Variants in SLC39A11 observed in about 807,000 individuals in gnomAD.
SLC39A11 encodes the protein solute carrier family 39 member 11.
Under a neutral mutation model 36.1 loss-of-function variants are expected in SLC39A11, and 33 were observed. That is an observed-to-expected ratio of 0.91 (90% CI 0.69 to 1.22). The LOEUF (loss-of-function observed/expected upper bound fraction) is 1.22, where lower values mean the gene tolerates loss of function less well. Ranked by LOEUF, SLC39A11 falls within the 50% of genes most tolerant of loss-of-function variation. The pLI is 0.00. For synonymous variants in SLC39A11, 166 were observed against 170.3 expected (o/e 0.97, Z 0.20); for missense variants, 432 against 430.3 (o/e 1.00, Z -0.03).
At chr17:72,693,379 T>C (rs994667690) in intron 7 of SLC39A11, among the ~76,000 whole-genome samples, 4 of 152,216 alleles carry the variant, frequency 2.6e-5, no homozygotes, top group African/African-American at 9.7e-5. Flanking sequence ...TCAAAACAGA[T>C]GTTCAGACTG....
chr17:72,767,153 T>C (rs888456642), intron 6 of SLC39A11, among the ~76,000 whole-genome samples: 1 of 152,258 alleles, frequency 6.6e-6, no homozygotes, highest in African/African-American at 2.4e-5. Context: ...CCTTTGACTG[T>C]TGAGCTGCTT....
chr17:72,680,113 A>G (rs1261978728), intron 7 of SLC39A11, among the ~76,000 whole-genome samples: 1 of 151,600 alleles, frequency 6.6e-6, no homozygotes, highest in African/African-American at 2.4e-5. Flanking sequence ...CAGCATTTTA[A>G]CCATTTATGA....
At chr17:72,667,348 A>G (rs1170882873) in intron 7 of SLC39A11, among the ~76,000 whole-genome samples, 1 of 152,210 alleles carries the variant, frequency 6.6e-6, no homozygotes, top group Non-Finnish European at 1.5e-5. Context: ...CTCTAGGTGC[A>G]GGGGGCGCTT....
chr17:73,091,137 G>T (rs1189934222), intron 1 of SLC39A11, among the ~76,000 whole-genome samples: 2 of 152,086 alleles, frequency 1.3e-5, no homozygotes, highest in African/African-American at 4.8e-5. Flanking sequence ...ATTAAAACTG[G>T]TAAAACTTGG....
chr17:72,899,716 C>T (rs529545681), intron 5 of SLC39A11, among the ~76,000 whole-genome samples: 41 of 152,278 alleles, frequency 2.7e-4, no homozygotes, highest in Non-Finnish European at 5.1e-4. Context: ...AATCCCAGCA[C>T]TTTGGGAGGC....
intron 7 of SLC39A11, among the ~76,000 whole-genome samples, chr17:72,691,230 G>A (rs2072012476): frequency 6.6e-6 from 1 of 152,270 alleles, no homozygotes; most frequent in East Asian, 1.9e-4. Flanking sequence ...AGGGAGAAGG[G>A]ACTTGGAGTA....
At chr17:73,077,100 C>G (rs988046601) in intron 3 of SLC39A11, among the ~76,000 whole-genome samples, 1 of 152,132 alleles carries the variant, frequency 6.6e-6, no homozygotes, top group African/African-American at 2.4e-5. Flanking sequence ...GTAATTTATT[C>G]CATGATATAA....
intron 7 of SLC39A11, among the ~76,000 whole-genome samples, chr17:72,677,679 C>T (rs532731391): frequency 1.3e-5 from 2 of 152,240 alleles, no homozygotes; most frequent in African/African-American, 4.8e-5. Context: ...AGACCGTGGG[C>T]CCCTCCCCGG....
chr17:72,932,292 T>TTTA lies in SLC39A11; in HGVS notation c.430+15457_430+15459dup, dbSNP rs544893367. 6.4e-4 allele frequency among the ~76,000 whole-genome samples: 93 copies of TTTA among 144,464 alleles called. 1 individual carries two copies. The highest frequency in any genetic ancestry group is 1.9e-3 in the African/African-American group (69 of 35,430). 94.8% of individuals were successfully genotyped at this position (144,464 alleles called of 152,430 possible). ...TTCTACCTGAAGAATGACCTGTTCT[T>TTTA]TTATTATTATTATTATTATACTTTA... is the stretch of plus-strand genomic sequence containing the variant. On this transcript the variant is annotated intron_variant, in intron 5 of 9. Transcript: ENST00000255559.
chr17:72,870,483 A>C lies in SLC39A11; in HGVS notation c.431-20679T>G, dbSNP rs548936938. On this transcript the variant is annotated intron_variant, in intron 5 of 9. Transcript: ENST00000255559. ...ACGGGTGCCCTGCGGCAATGTGTTC[A>C]TTTGCAAAGCATCTTCGCTAGACTC... is the stretch of plus-strand genomic sequence containing the variant. 1.3e-4 allele frequency among the ~76,000 whole-genome samples: 20 copies of C among 152,326 alleles called. No individual in the cohort carries two copies. In the East Asian group the frequency reaches 3.9e-3, roughly 29 times the overall value.
At chr17:73,082,453 A>G (rs904889149) in intron 3 of SLC39A11, among the ~76,000 whole-genome samples, 2 of 152,032 alleles carry the variant, frequency 1.3e-5, no homozygotes, top group Non-Finnish European at 2.9e-5. Context: ...AGAGTTCATC[A>G]ATTTTATTTT....
chr17:72,832,754 GACAAA>G (rs2078341849), intron 6 of SLC39A11, among the ~76,000 whole-genome samples: 1 of 152,218 alleles, frequency 6.6e-6, no homozygotes, highest in Admixed American at 6.5e-5. Flanking sequence ...AGGGAATGGA[GACAAA>G]ACAAACAGGG....
At chr17:72,886,610 T>C (rs2081448687) in intron 5 of SLC39A11, among the ~76,000 whole-genome samples, 1 of 152,100 alleles carries the variant, frequency 6.6e-6, no homozygotes. Context: ...GAATCTCTTC[T>C]CCACATAGCC....
intron 6 of SLC39A11, among the ~76,000 whole-genome samples, chr17:72,813,326 GA>G (rs1357487670): frequency 2.6e-5 from 4 of 152,122 alleles, no homozygotes; most frequent in Non-Finnish European, 5.9e-5. Context: ...TAATAAAACC[GA>G]ATTTGTTTAA....
At chr17:72,690,245 G>T (rs1245605984) in intron 7 of SLC39A11, among the ~76,000 whole-genome samples, 1 of 152,230 alleles carries the variant, frequency 6.6e-6, no homozygotes, top group African/African-American at 2.4e-5. Context: ...GCCTGTGTTG[G>T]TGTTGGGATC....
intron 7 of SLC39A11, among the ~76,000 whole-genome samples, chr17:72,725,063 CATGCATCCGGTGG>C (rs1352259968): frequency 1.3e-5 from 2 of 152,230 alleles, no homozygotes; most frequent in African/African-American, 4.8e-5. Context: ...TGGCTTTGCC[CATGCATCCGGTGG>C]ACTTCCTTGG....
intron 5 of SLC39A11, among the ~76,000 whole-genome samples, chr17:72,868,618 CAAAAAAAAAAAAAAAAAAAAA>C (rs71354894): frequency 1.8e-5 from 1 of 56,462 alleles, no homozygotes; most frequent in Non-Finnish European, 3.1e-5. Context: ...CCTGTCTCTA[CAAAAAAAAAAAAAAAAAAAAA>C]AAAAAAAAAA....
intron 7 of SLC39A11, among the ~76,000 whole-genome samples, chr17:72,652,838 A>G (rs943515101): frequency 6.6e-6 from 1 of 152,168 alleles, no homozygotes; most frequent in Non-Finnish European, 1.5e-5. Flanking sequence ...CCACTGTGCA[A>G]CCTGAAGGCA....
rs114327735 is a variant in SLC39A11, at chr17:72,910,133, G to A, written c.430+37619C>T. ...CAATTCTATCACAACATTTTTAGTC[G>A]TAAGTTGTTTGCCAAGGCTGATATT... On this transcript the variant is annotated intron_variant, in intron 5 of 9. Transcript: ENST00000255559. Among the ~76,000 whole-genome samples the A allele has an allele frequency of 4.9e-3, 742 of 152,144 alleles. 2 individuals carry two copies. The highest frequency in any genetic ancestry group is 0.017 in the African/African-American group (710 of 41,514).
Sources: allele counts gnomAD v4.1 joint callset (sites outside exome capture counted in the v4.1 genomes callset), GRCh38; gene constraint gnomAD v4.1.1; transcripts MANE v1.5; gene names NCBI Gene and HGNC (gene_info 2026-07-23, HGNC 2026-07-21).